Variants in DPH6 observed in about 807,000 individuals in gnomAD.
DPH6 encodes the protein diphthine--ammonia ligase.
In DPH6, 33 loss-of-function variants were observed where a neutral mutation model predicts 38.2. The ratio of observed to expected loss-of-function variants is 0.86; its 90% CI spans 0.65 to 1.15. The LOEUF (loss-of-function observed/expected upper bound fraction) is 1.15, where lower values mean the gene tolerates loss of function less well. Ranked by LOEUF, DPH6 falls within the 50% of genes most tolerant of loss-of-function variation. The probability of loss-of-function intolerance (pLI) is 0.00; values close to 1 mark genes in which losing one functional copy is unlikely to be tolerated. For missense variants in DPH6, 325 were observed against 320.0 expected, an observed-to-expected ratio of 1.02 and a Z score of -0.12; for synonymous variants, 108 against 103.0, an observed-to-expected ratio of 1.05 and a Z score of -0.30.
At chr15:35,420,705 C>T (rs771115121) in intron 5 of DPH6, among the ~76,000 whole-genome samples, 7 of 151,860 alleles carry the variant, frequency 4.6e-5, no homozygotes, top group Non-Finnish European at 7.4e-5. Context: ...TTAATAGAGA[C>T]GGGGTTTCAC....
intron 2 of DPH6, among the ~76,000 whole-genome samples, chr15:35,540,849 G>T (rs2055242521): frequency 1.3e-5 from 2 of 152,032 alleles, no homozygotes; most frequent in African/African-American, 4.8e-5. Flanking sequence ...CTCCAGTGAT[G>T]AAATTATAAT....
At chr15:35,504,315 T>C (rs1411088588) in intron 3 of DPH6, among the ~76,000 whole-genome samples, 1 of 152,044 alleles carries the variant, frequency 6.6e-6, no homozygotes, top group East Asian at 1.9e-4. Flanking sequence ...ATGAGAGGTA[T>C]GTGCCATGTT....
At chr15:35,407,447 T>TG (rs994504691) in intron 6 of DPH6, among the ~76,000 whole-genome samples, 5 of 151,836 alleles carry the variant, frequency 3.3e-5, no homozygotes, top group Non-Finnish European at 7.4e-5. Flanking sequence ...AATGAATAGA[T>TG]GGAGAGATGA....
At chr15:35,485,730 A>C (rs920294966) in intron 3 of DPH6, among the ~76,000 whole-genome samples, 1 of 152,180 alleles carries the variant, frequency 6.6e-6, no homozygotes, top group African/African-American at 2.4e-5. Flanking sequence ...TCTCACATAC[A>C]TTACCTCATT....
At chr15:35,361,542 G>A (rs931314896) in intron 3 of DPH6, among the ~76,000 whole-genome samples, 3 of 141,974 alleles carry the variant, frequency 2.1e-5, no homozygotes, top group African/African-American at 5.2e-5. Flanking sequence ...TATCCTTCTT[G>A]TACTCTCATA....
intron 6 of DPH6, among the ~76,000 whole-genome samples, chr15:35,410,474 A>G (rs2053351810): frequency 1.3e-5 from 2 of 151,732 alleles, no homozygotes; most frequent in Non-Finnish European, 3.0e-5. Flanking sequence ...ATTAATCTCT[A>G]AAGAAAGTTT....
chr15:35,463,323 T>G (rs1242581774), intron 3 of DPH6, among the ~76,000 whole-genome samples: 1 of 152,172 alleles, frequency 6.6e-6, no homozygotes, highest in African/African-American at 2.4e-5. Context: ...CCCAGAAATT[T>G]CAAATTTATA....
At chr15:35,480,952 C>T (rs1367935760) in intron 3 of DPH6, among the ~76,000 whole-genome samples, 2 of 143,372 alleles carry the variant, frequency 1.4e-5, no homozygotes, top group African/African-American at 5.2e-5. Flanking sequence ...GATGGAAGAA[C>T]ATACAACCAT....
chr15:35,320,742 G>A (rs1034049211), intron 3 of DPH6, among the ~76,000 whole-genome samples: 4 of 151,906 alleles, frequency 2.6e-5, no homozygotes, highest in South Asian at 2.1e-4. Flanking sequence ...TCTTTTATAC[G>A]TTCCAAAAAC....
At chr15:35,489,925 A>C in intron 3 of DPH6, 3 of 972,644 alleles carry the variant, frequency 3.1e-6, no homozygotes, top group South Asian at 9.5e-5. Context: ...TTACTTTTTA[A>C]AAGTATCAAA....
Position 35,261,214 on chromosome 15 carries a change from T to G in DPH6, n.201-40632A>C, listed in dbSNP as rs1470142194. Among the ~76,000 whole-genome samples the G allele has an allele frequency of 5.3e-5, 8 of 152,346 alleles. No homozygotes were observed. In the East Asian group the frequency reaches 1.5e-3, roughly 29 times the overall value. On this transcript the variant is annotated intron_variant and non_coding_transcript_variant, in intron 3 of 3. Transcript: ENST00000560386. ...TTTATAGACAGTTTATCCTTCCTGATGCAGTACAGCAATACAGCGTGCCTC... is the reference window on the plus strand; with the variant it reads ...TTTATAGACAGTTTATCCTTCCTGAGGCAGTACAGCAATACAGCGTGCCTC...
At chr15:35,264,396 CT>C (rs1351671091) in intron 3 of DPH6, among the ~76,000 whole-genome samples, 1 of 152,128 alleles carries the variant, frequency 6.6e-6, no homozygotes, top group South Asian at 2.1e-4. Context: ...CATTTATAGT[CT>C]CTACGCTGAT....
the DPH6 span, among the ~76,000 whole-genome samples, chr15:35,196,137 C>T: frequency 6.6e-6 from 1 of 152,260 alleles, no homozygotes; most frequent in South Asian, 2.1e-4. Flanking sequence ...AACTGCTCTC[C>T]AAACGCAAAC....
At chr15:35,390,346 C>T (rs1043488562) in intron 6 of DPH6, among the ~76,000 whole-genome samples, 3 of 152,138 alleles carry the variant, frequency 2.0e-5, no homozygotes, top group Non-Finnish European at 2.9e-5. Flanking sequence ...CGAGGAGTAT[C>T]TTTGTGGTGT....
At chr15:35,478,496 C>A (rs1053681807) in intron 3 of DPH6, among the ~76,000 whole-genome samples, 2 of 151,400 alleles carry the variant, frequency 1.3e-5, no homozygotes, top group Admixed American at 1.3e-4. Flanking sequence ...TTAATACTAT[C>A]AACACTATTT....
chr15:35,223,794 A>G (rs1342613801), intron 3 of DPH6, among the ~76,000 whole-genome samples: 1 of 151,996 alleles, frequency 6.6e-6, no homozygotes, highest in Non-Finnish European at 1.5e-5. Context: ...TATAGTTTAT[A>G]TTATAGTTTC....
intron 7 of DPH6, among the ~76,000 whole-genome samples, chr15:35,374,806 G>A (rs2052759366): frequency 6.6e-6 from 1 of 152,076 alleles, no homozygotes; most frequent in South Asian, 2.1e-4. Context: ...CAGGTATGAT[G>A]AGGAGCAGCA....
At chr15:35,364,528 T>G (rs2140910835) in intron 3 of DPH6, among the ~76,000 whole-genome samples, 1 of 152,156 alleles carries the variant, frequency 6.6e-6, no homozygotes, top group South Asian at 2.1e-4. Flanking sequence ...ATCCTGGAAA[T>G]TCCTCCACTT....
rs1195059755 is a variant in DPH6 at position 35,240,735 on chromosome 15, C to T, written n.201-20153G>A. Reference sequence around the variant, plus strand: ...CAGTTCATGGCTCGTTCGGCAGCAGCCCTGAGACGCTTTACAGCCCTAGAC... The same window carrying T: ...CAGTTCATGGCTCGTTCGGCAGCAGTCCTGAGACGCTTTACAGCCCTAGAC... On this transcript the variant is annotated intron_variant and non_coding_transcript_variant, in intron 3 of 3. Coordinates refer to the DPH6 transcript ENST00000560386. 3.8e-3 allele frequency among the ~76,000 whole-genome samples: 552 copies of T among 143,968 alleles called. 47 individuals carry two copies. Among genetic ancestry groups the T allele is most frequent in the African/African-American group, 0.013 (526 of 39,792 alleles). The allele number at this position is 143,968 out of a possible 152,430, so 94.4% of individuals were successfully genotyped here. A position where few individuals can be genotyped will look rare whatever the true frequency, so the allele number is the denominator to read the frequency against.
Sources: gnomAD v4.1 joint callset for allele counts (sites outside exome capture counted in the v4.1 genomes callset) on GRCh38, gnomAD v4.1.1 for gene constraint, MANE v1.5 for transcripts, NCBI Gene and HGNC (gene_info 2026-07-23, HGNC 2026-07-21) for gene names.